The following PRKAR1A variants were observed in gnomAD, a reference collection of about 807,000 sequenced individuals.
The protein encoded by PRKAR1A is protein kinase cAMP-dependent type I regulatory subunit alpha, also known as cAMP-dependent protein kinase type I-alpha regulatory subunit.
Under a neutral mutation model 52.0 loss-of-function variants are expected in PRKAR1A, and 3 were observed. The ratio of observed to expected loss-of-function variants is 0.06; its 90% CI spans 0.03 to 0.15. PRKAR1A has a LOEUF of 0.15. Ranked by LOEUF, PRKAR1A falls within the 10% of genes least tolerant of loss-of-function variation. The pLI is 1.00. For synonymous variants in PRKAR1A, 188 were observed against 168.4 expected, an observed-to-expected ratio of 1.12 and a Z score of -0.90; for missense variants, 240 against 477.4, an observed-to-expected ratio of 0.50 and a Z score of 4.63.
the PRKAR1A span, chr17:68,450,881 G>C: frequency 6.2e-7 from 1 of 1,612,546 alleles, no homozygotes; most frequent in South Asian, 1.1e-5. Context: ...CCACGATGTA[G>C]ACGTCCGGGA....
At chr17:68,440,260 T>A in the PRKAR1A span, among the ~76,000 whole-genome samples, 1 of 152,204 alleles carries the variant, frequency 6.6e-6, no homozygotes, top group Non-Finnish European at 1.5e-5. Context: ...GACTTCCCTA[T>A]GGCCCAAGTG....
chr17:68,446,974 G>C, the PRKAR1A span, among the ~76,000 whole-genome samples: 1 of 152,184 alleles, frequency 6.6e-6, no homozygotes, highest in Non-Finnish European at 1.5e-5. Flanking sequence ...CATGCTTCTG[G>C]GGTGGGCACG....
intron 11 of PRKAR1A, chr17:68,542,795 C>G: frequency 6.2e-7 from 1 of 1,613,860 alleles, no homozygotes; most frequent in Non-Finnish European, 8.5e-7. Flanking sequence ...CGGCACCCGT[C>G]GGAAGTCCAG....
At chr17:68,430,889 G>A in the PRKAR1A span, among the ~76,000 whole-genome samples, 2 of 152,214 alleles carry the variant, frequency 1.3e-5, no homozygotes, top group African/African-American at 4.8e-5. Flanking sequence ...GCAGGATTAG[G>A]TCCTGGTGGG....
At chr17:68,473,241 A>G in the PRKAR1A span, among the ~76,000 whole-genome samples, 1 of 152,216 alleles carries the variant, frequency 6.6e-6, no homozygotes, top group African/African-American at 2.4e-5. Flanking sequence ...ACACACTTAC[A>G]TTTAAACTAA....
At chr17:68,493,897 C>T in the PRKAR1A span, among the ~76,000 whole-genome samples, 38 of 152,160 alleles carry the variant, frequency 2.5e-4, no homozygotes, top group African/African-American at 8.2e-4. Flanking sequence ...TGGCCCAACA[C>T]GCAAATTTAA....
the PRKAR1A span, among the ~76,000 whole-genome samples, chr17:68,470,912 T>C: frequency 6.6e-6 from 1 of 152,188 alleles, no homozygotes; most frequent in South Asian, 2.1e-4. Flanking sequence ...CCCCCAAATC[T>C]CTTTTCTTCC....
At chr17:68,482,083 C>T in the PRKAR1A span, among the ~76,000 whole-genome samples, 1 of 152,084 alleles carries the variant, frequency 6.6e-6, no homozygotes, top group African/African-American at 2.4e-5. Flanking sequence ...GTAAAAGCCA[C>T]CAGGGGAGCA....
At chr17:68,466,909 A>C in the PRKAR1A span, among the ~76,000 whole-genome samples, 1 of 152,022 alleles carries the variant, frequency 6.6e-6, no homozygotes, top group Non-Finnish European at 1.5e-5. Context: ...TACCCCTTAA[A>C]CAGCTACTAC....
At chr17:68,489,862 T>G in the PRKAR1A span, among the ~76,000 whole-genome samples, 19 of 151,696 alleles carry the variant, frequency 1.3e-4, no homozygotes, top group African/African-American at 4.6e-4. Context: ...GGCTGGAGAG[T>G]ATATTTTTGC....
At chr17:68,499,368 AAGAGAGAGAGAGAG>A in the PRKAR1A span, among the ~76,000 whole-genome samples, 1,310 of 140,492 alleles carry the variant, frequency 9.3e-3, 25 homozygotes, top group African/African-American at 0.032. Flanking sequence ...AAGGGAGGAA[AAGAGAGAGAGAGAG>A]AGAGAGAGAG....
the PRKAR1A span, among the ~76,000 whole-genome samples, chr17:68,505,565 C>G: frequency 6.6e-6 from 1 of 152,176 alleles, no homozygotes; most frequent in African/African-American, 2.4e-5. Flanking sequence ...GTAATCCTAG[C>G]ACTTTGGGAG....
chr17:68,543,733 G>A, intron 11 of PRKAR1A: 2 of 1,610,958 alleles, frequency 1.2e-6, no homozygotes, highest in Non-Finnish European at 8.5e-7. Context: ...TGGAAGGAAG[G>A]AAGGAATCAC....
chr17:68,421,907 G>A, the PRKAR1A span: 1 of 1,554,702 alleles, frequency 6.4e-7, no homozygotes, highest in Non-Finnish European at 8.9e-7. Flanking sequence ...TGCCCATGCA[G>A]AGTGAGCAGG....
At chr17:68,471,615 G>T in the PRKAR1A span, among the ~76,000 whole-genome samples, 7 of 152,102 alleles carry the variant, frequency 4.6e-5, no homozygotes, top group African/African-American at 1.7e-4. Flanking sequence ...CTGAGTTGGG[G>T]CCATGAGAGG....
At chr17:68,509,196 G>T (rs376648700), upstream of PRKAR1A, among the ~76,000 whole-genome samples, 1 of 152,034 alleles carries the variant, frequency 6.6e-6, no homozygotes, top group Non-Finnish European at 1.5e-5. Context: ...TTTCTTTTTC[G>T]TTTTTTGAGT....
chr17:68,536,788 C>T (rs2086109066), downstream of PRKAR1A: 1 of 453,852 alleles, frequency 2.2e-6, no homozygotes, highest in South Asian at 1.6e-5. Context: ...CTTAGTGTGA[C>T]ATATTTGATG....
chr17:68,451,020 G>A, the PRKAR1A span: 1 of 1,346,686 alleles, frequency 7.4e-7, no homozygotes. Context: ...TGCCGGCCAG[G>A]CGCCCTCTCT....
At chr17:68,477,401 A>T in the PRKAR1A span, among the ~76,000 whole-genome samples, 1 of 152,248 alleles carries the variant, frequency 6.6e-6, no homozygotes, top group Non-Finnish European at 1.5e-5. Flanking sequence ...ACCAGTAAAT[A>T]TTCAGTTTTA....
Sources: allele counts gnomAD v4.1 joint callset (sites outside exome capture counted in the v4.1 genomes callset), GRCh38; gene constraint gnomAD v4.1.1; transcripts MANE v1.5; gene names NCBI Gene and HGNC (gene_info 2026-07-23, HGNC 2026-07-21).